Variants in SMCO4 observed in about 807,000 individuals in gnomAD.
SMCO4 encodes the protein single-pass membrane and coiled-coil domain-containing protein 4.
Under a neutral mutation model 3.6 loss-of-function variants are expected in SMCO4, and 4 were observed. The observed-to-expected ratio is 1.11, with a 90% CI of 0.54 to 2.53. The LOEUF (loss-of-function observed/expected upper bound fraction) is 2.53. Among genes scored for constraint, SMCO4 ranks in the 30% most tolerant of loss-of-function variants. The probability of loss-of-function intolerance (pLI) is 0.02; values close to 1 mark genes in which losing one functional copy is unlikely to be tolerated. For missense variants in SMCO4, 70 were observed against 80.8 expected, an observed-to-expected ratio of 0.87 and a Z score of 0.51; for synonymous variants, 36 against 35.3, an observed-to-expected ratio of 1.02 and a Z score of -0.07.
intron 1 of SMCO4, among the ~76,000 whole-genome samples, chr11:93,542,075 C>A (rs1949275111): frequency 6.6e-6 from 1 of 150,724 alleles, no homozygotes; most frequent in Admixed American, 6.6e-5. Flanking sequence ...AATGACCAGG[C>A]ATACTGGTGT....
intron 1 of SMCO4, among the ~76,000 whole-genome samples, chr11:93,508,961 A>G (rs1473396644): frequency 2.6e-5 from 4 of 152,172 alleles, no homozygotes; most frequent in African/African-American, 9.7e-5. Context: ...AATTAAGAAC[A>G]GAGGCCATAT....
At chr11:93,497,821 C>G (rs1401220005) in intron 2 of SMCO4, among the ~76,000 whole-genome samples, 1 of 152,166 alleles carries the variant, frequency 6.6e-6, no homozygotes, top group East Asian at 1.9e-4. Context: ...AAGCACCTTG[C>G]AAAAGAGAAA....
chr11:93,495,537 T>G lies in SMCO4; in HGVS notation c.-81+3739A>C, dbSNP rs558513946. 1.3e-4 allele frequency among the ~76,000 whole-genome samples: 20 copies of G among 152,344 alleles called. 1 individual carries two copies. In the South Asian group the frequency reaches 3.9e-3, roughly 30 times the overall value. On this transcript the variant is annotated intron_variant, in intron 2 of 2. Transcript: ENST00000298966. ...AACATATTTAAAAAGGAAAGCTGTA[T>G]GCTAATATTTAGCTTTCTTTTTCCC...
At chr11:93,509,588 G>A (rs1948939770) in intron 1 of SMCO4, among the ~76,000 whole-genome samples, 1 of 152,206 alleles carries the variant, frequency 6.6e-6, no homozygotes, top group Non-Finnish European at 1.5e-5. Context: ...CAATCAACGA[G>A]TGGATAAAGA....
upstream of SMCO4, among the ~76,000 whole-genome samples, chr11:93,547,874 C>G (rs564126701): frequency 6.6e-6 from 1 of 152,328 alleles, no homozygotes; most frequent in South Asian, 2.1e-4. Flanking sequence ...GAAACACAAC[C>G]TTGTGCATCA....
the SMCO4 span, among the ~76,000 whole-genome samples, chr11:93,551,160 G>GA: frequency 0.57 from 86,664 of 151,906 alleles, 24,941 homozygotes; most frequent in Admixed American, 0.65. Context: ...TCAGTGGAGA[G>GA]AAAAAATGTA....
intron 2 of SMCO4, among the ~76,000 whole-genome samples, chr11:93,483,607 T>C (rs1016858709): frequency 6.6e-6 from 1 of 152,198 alleles, no homozygotes; most frequent in African/African-American, 2.4e-5. Context: ...AGGCCAGCTC[T>C]ACACAGGTTC....
At chr11:93,526,120 G>A (rs369112508) in intron 1 of SMCO4, among the ~76,000 whole-genome samples, 9 of 152,102 alleles carry the variant, frequency 5.9e-5, no homozygotes, top group African/African-American at 1.7e-4. Context: ...CATAAAACAA[G>A]GGATTCTGCC....
intron 1 of SMCO4, among the ~76,000 whole-genome samples, chr11:93,534,375 T>TAGAGAGAGAGAG (rs1555079957): frequency 3.5e-5 from 5 of 142,132 alleles, no homozygotes; most frequent in African/African-American, 1.1e-4. Context: ...TATATATATA[T>TAGAGAGAGAGAG]AGAGAGAGAG....
chr11:93,534,293 C>CACATATATAT (rs1949194981), intron 1 of SMCO4, among the ~76,000 whole-genome samples: 1 of 146,936 alleles, frequency 6.8e-6, no homozygotes, highest in African/African-American at 2.5e-5. Flanking sequence ...TATACACACA[C>CACATATATAT]ACATATATAT....
intron 1 of SMCO4, among the ~76,000 whole-genome samples, chr11:93,518,414 T>C (rs187876234): frequency 6.6e-6 from 1 of 152,366 alleles, no homozygotes; most frequent in Admixed American, 6.5e-5. Flanking sequence ...AGTGCTGCCA[T>C]GAAGATTTGG....
intron 1 of SMCO4, among the ~76,000 whole-genome samples, chr11:93,542,165 A>G (rs1949276046): frequency 6.6e-6 from 1 of 150,898 alleles, no homozygotes; most frequent in African/African-American, 2.4e-5. Context: ...GGCTCCACAC[A>G]GGTTGTTCTA....
chr11:93,514,421 T>TATATATATAA (rs1271205813), intron 1 of SMCO4, among the ~76,000 whole-genome samples: 20 of 53,420 alleles, frequency 3.7e-4, no homozygotes, highest in African/African-American at 1.1e-3. Context: ...TATATATATA[T>TATATATATAA]AAAATTTGGT....
chr11:93,538,273 C>T (rs80355120), intron 1 of SMCO4, among the ~76,000 whole-genome samples: 2,563 of 152,290 alleles, frequency 0.017, 86 homozygotes, highest in African/African-American at 0.058. Context: ...ATGTTCACTG[C>T]CACTCCTGCT....
chr11:93,515,731 C>A (rs1325050754), intron 1 of SMCO4, among the ~76,000 whole-genome samples: 1 of 152,190 alleles, frequency 6.6e-6, no homozygotes, highest in Non-Finnish European at 1.5e-5. Flanking sequence ...TTCTCTGGCT[C>A]CACCACCCCA....
At chr11:93,502,755 A>C (rs183304887) in intron 1 of SMCO4, among the ~76,000 whole-genome samples, 34 of 152,362 alleles carry the variant, frequency 2.2e-4, no homozygotes, top group African/African-American at 7.9e-4. Context: ...AATGAAAAAG[A>C]AACTTATCCA....
chr11:93,534,349 TACAC>T (rs1949196476), intron 1 of SMCO4, among the ~76,000 whole-genome samples: 3 of 130,118 alleles, frequency 2.3e-5, no homozygotes, highest in Non-Finnish European at 4.8e-5. Flanking sequence ...CACATATATA[TACAC>T]ATACATATAT....
upstream of SMCO4, chr11:93,543,625 G>C (rs1315928566): frequency 1.3e-5 from 2 of 152,312 alleles, no homozygotes; most frequent in African/African-American, 4.8e-5. Context: ...GCTTCCTCCG[G>C]CTCCCGCGCA....
At chr11:93,485,778 A>G (rs1948641530) in intron 2 of SMCO4, among the ~76,000 whole-genome samples, 1 of 152,222 alleles carries the variant, frequency 6.6e-6, no homozygotes, top group African/African-American at 2.4e-5. Context: ...GTTAGAATAG[A>G]AAATTCTGTA....
Sources: gnomAD v4.1 joint callset for allele counts (sites outside exome capture counted in the v4.1 genomes callset) on GRCh38, gnomAD v4.1.1 for gene constraint, MANE v1.5 for transcripts, NCBI Gene and HGNC (gene_info 2026-07-23, HGNC 2026-07-21) for gene names.